MBNL3: variants seen among roughly 807,000 people sequenced by gnomAD.
MBNL3 encodes the protein muscleblind-like protein 3.
MBNL3 carries 6 observed loss-of-function variants against 24.5 expected under a neutral mutation model. The observed-to-expected ratio is 0.25, with a 90% CI of 0.13 to 0.48. The LOEUF (loss-of-function observed/expected upper bound fraction) is 0.48, where lower values mean the gene tolerates loss of function less well. MBNL3 is among the 20% of genes least tolerant of loss of function. The probability of loss-of-function intolerance (pLI) is 0.99; values close to 1 mark genes in which losing one functional copy is unlikely to be tolerated. For missense variants in MBNL3, 230 were observed against 293.5 expected (o/e 0.78, Z 1.58); for synonymous variants, 100 against 101.7 (o/e 0.98, Z 0.10).
At chrX:132,428,305 A>T (rs1421536894) in intron 2 of MBNL3, among the ~76,000 whole-genome samples, 1 of 111,259 alleles carries the variant, frequency 9.0e-6, no homozygotes, top group Non-Finnish European at 1.9e-5. Flanking sequence ...AATACTGGAG[A>T]TCATTTAGAA....
intron 4 of MBNL3, among the ~76,000 whole-genome samples, chrX:132,391,533 C>T (rs763075951): frequency 5.4e-5 from 6 of 111,792 alleles, no homozygotes; most frequent in Non-Finnish European, 1.1e-4. Context: ...GGCATTTAAG[C>T]GGCTGCAAAT....
rs1412684251 is a variant in MBNL3, at chrX:132,378,068, AG to A, written c.*1597del. 1 of 110,267 alleles carries A rather than the reference AG, an allele frequency of 9.1e-6. No homozygotes were observed. Among genetic ancestry groups the A allele is most frequent in the Non-Finnish European group, 1.9e-5 (1 of 52,782 alleles). The allele number at this position is 110,267 out of a possible 1,213,427, so 9.1% of individuals were successfully genotyped here. ...AGTATAGCCACTCTGTCTCATTCAA[AG>A]GGTGATAAAACCCTTTCTATTGTCA... On this transcript the variant is annotated 3_prime_UTR_variant, in exon 9 of 9. Transcript: ENST00000370853.
intron 2 of MBNL3, among the ~76,000 whole-genome samples, chrX:132,407,487 ACTAT>A (rs1455034399): frequency 8.9e-6 from 1 of 112,487 alleles, no homozygotes; most frequent in Non-Finnish European, 1.9e-5. Context: ...AAAATCAAAT[ACTAT>A]CTTAGTTTTA....
intron 1 of MBNL3, among the ~76,000 whole-genome samples, chrX:132,483,395 G>C (rs1453387718): frequency 1.8e-5 from 2 of 111,620 alleles, no homozygotes; most frequent in East Asian, 5.6e-4. Context: ...CAACCTTAAA[G>C]CAACCACCTT....
intron 1 of MBNL3, among the ~76,000 whole-genome samples, chrX:132,463,902 G>A (rs1603264519): frequency 1.8e-5 from 2 of 111,822 alleles, no homozygotes; most frequent in East Asian, 5.6e-4. Context: ...AGTTAAAAAA[G>A]GTTAAGCCAT....
chrX:132,454,007 G>A (rs1048359048), intron 1 of MBNL3, among the ~76,000 whole-genome samples: 10 of 111,920 alleles, frequency 8.9e-5, no homozygotes, highest in East Asian at 2.8e-4. Flanking sequence ...CACGAGAATC[G>A]CTTGAGCCTG....
chrX:132,459,292 G>A lies in MBNL3; in HGVS notation c.-703-18978C>T, dbSNP rs770222819. On this transcript the variant is annotated intron_variant, in intron 1 of 8. Coordinates refer to ENST00000370853, the MANE Select transcript of MBNL3 (RefSeq NM_001386889.1). ...GTATTAGTACAAGGCAGTGGACATG[G>A]TTCCTGTTCTCATGAACTTTAATAG... is the stretch of plus-strand genomic sequence containing the variant. 1.2e-4 allele frequency among the ~76,000 whole-genome samples: 13 copies of A among 109,978 alleles called. No individual in the cohort carries two copies. The South Asian group carries it at 3.5e-3, about 30-fold the overall frequency.
chrX:132,396,394 CTATATATATTCATATATATTCCTA>C (rs1569423552), intron 3 of MBNL3, among the ~76,000 whole-genome samples: 2 of 75,396 alleles, frequency 2.7e-5, no homozygotes, highest in African/African-American at 1.1e-4. Flanking sequence ...ATATATATTC[CTATATATATTCATATATATTCCTA>C]TATATATATT....
chrX:132,428,865 C>T (rs767954874), intron 2 of MBNL3, among the ~76,000 whole-genome samples: 11 of 112,674 alleles, frequency 9.8e-5, no homozygotes, highest in African/African-American at 3.5e-4. Context: ...TTCATTTCAG[C>T]TATGCTACAT....
intron 5 of MBNL3, among the ~76,000 whole-genome samples, chrX:132,389,887 A>G (rs1003812272): frequency 9.0e-6 from 1 of 110,803 alleles, no homozygotes; most frequent in Non-Finnish European, 1.9e-5. Context: ...GGCTTTCTAC[A>G]GCAACTTAAA....
At chrX:132,475,848 A>G (rs1293368949) in intron 1 of MBNL3, among the ~76,000 whole-genome samples, 2 of 111,786 alleles carry the variant, frequency 1.8e-5, no homozygotes, top group Non-Finnish European at 3.8e-5. Context: ...GCATAAGGAA[A>G]TGTCAAGGGA....
At chrX:132,447,152 T>C (rs1175918686) in intron 1 of MBNL3, among the ~76,000 whole-genome samples, 2 of 112,052 alleles carry the variant, frequency 1.8e-5, no homozygotes, top group Admixed American at 9.5e-5. Flanking sequence ...TTTTGGTTAC[T>C]GTAACCTTGT....
intron 2 of MBNL3, among the ~76,000 whole-genome samples, chrX:132,415,980 T>TA (rs1295794046): frequency 0.015 from 1,589 of 104,471 alleles, 29 homozygotes; most frequent in African/African-American, 0.05. Flanking sequence ...ACTATATATA[T>TA]AAAAAAAAAA....
At position 132,461,203 on chromosome X, in the gene MBNL3, TTC is replaced by T. The variant is rs1360644225; in HGVS notation, c.-703-20891_-703-20890del. Among the ~76,000 whole-genome samples the T allele has an allele frequency of 2.7e-5, 3 of 111,791 alleles. No individual in the cohort carries two copies. The East Asian group carries it at 8.4e-4, about 31-fold the overall frequency. ...AATAAAGACAAGTGGTTCATTTGCTTTCTGTTTTTCCAGAAAGATCTACAGGT... is the reference window on the plus strand; with the variant it reads ...AATAAAGACAAGTGGTTCATTTGCTTTGTTTTTCCAGAAAGATCTACAGGT... On this transcript the variant is annotated intron_variant, in intron 1 of 8. Transcript: ENST00000370853.
At chrX:132,384,631 G>GAAA in intron 7 of MBNL3, 32 bp downstream of exon 7, 1 of 1,166,404 alleles carries the variant, frequency 8.6e-7, no homozygotes. Flanking sequence ...TTTCAGATTA[G>GAAA]AAAATGTTGA....
At position 132,382,218 on chromosome X, in the gene MBNL3, G is replaced by C. The variant is rs767164661; in HGVS notation, c.1013C>G (p.Ala338Gly). The change falls in exon 8 of 9, where the codon GCC becomes GGC. Residue 338 changes from alanine to glycine, a missense_variant. Ala to Gly is a moderately conservative substitution (Grantham distance 60). Transcript: ENST00000370853. ...PTTVSAATTP[A>G]TSVPFAAPTT... Reference sequence around the variant, plus strand: ...TGGTGCAGCGAACGGAACGCTGGTGGCAGGTGTTGTTGCTGCAGACACAGT... The same window carrying C: ...TGGTGCAGCGAACGGAACGCTGGTGCCAGGTGTTGTTGCTGCAGACACAGT... 8.3e-7 allele frequency: 1 copy of C among 1,211,093 alleles called. No homozygotes were observed. The highest frequency in any genetic ancestry group is 2.2e-5 in the Admixed American group (1 of 46,018).
At chrX:132,489,669 G>C (rs754824830), upstream of MBNL3, 39 of 102,767 alleles carry the variant, frequency 3.8e-4, no homozygotes, top group Non-Finnish European at 6.8e-4. Flanking sequence ...AGGGGCTTTA[G>C]GCGCCAAAAC....
chrX:132,481,094 C>T (rs945925301), intron 1 of MBNL3, among the ~76,000 whole-genome samples: 3 of 112,058 alleles, frequency 2.7e-5, no homozygotes, highest in African/African-American at 9.8e-5. Flanking sequence ...AAAAGCAAAT[C>T]AGCCAGCTGT....
chrX:132,480,383 A>G (rs1947665636), intron 1 of MBNL3, among the ~76,000 whole-genome samples: 1 of 111,590 alleles, frequency 9.0e-6, no homozygotes, highest in African/African-American at 3.3e-5. Context: ...CAATTAGGAA[A>G]CTCAATCATG....
Sources: gnomAD v4.1 joint callset for allele counts (sites outside exome capture counted in the v4.1 genomes callset) on GRCh38, gnomAD v4.1.1 for gene constraint, MANE v1.5 for transcripts, NCBI Gene and HGNC (gene_info 2026-07-23, HGNC 2026-07-21) for gene names.